GLIS3: variants seen among roughly 807,000 people sequenced by gnomAD.
The protein encoded by GLIS3 is GLIS family zinc finger 3.
GLIS3 carries 53 observed loss-of-function variants against 78.6 expected under a neutral mutation model. That is an observed-to-expected ratio of 0.67 (90% CI 0.54 to 0.85). The LOEUF is 0.85. GLIS3 is among the 40% of genes least tolerant of loss of function. The pLI is 0.00. For synonymous variants in GLIS3, 684 were observed against 509.9 expected (o/e 1.34, Z -4.60); for missense variants, 1,703 against 1,231.1 (o/e 1.38, Z -5.74).
intron 4 of GLIS3, among the ~76,000 whole-genome samples, chr9:3,956,013 C>A (rs656248): frequency 0.61 from 85,130 of 138,588 alleles, 27,521 homozygotes; most frequent in African/African-American, 0.83. Flanking sequence ...CACAATTGAC[C>A]TTCTCCAGAT....
At chr9:4,031,328 T>C (rs1823814324) in intron 4 of GLIS3, among the ~76,000 whole-genome samples, 1 of 152,198 alleles carries the variant, frequency 6.6e-6, no homozygotes, top group Non-Finnish European at 1.5e-5. Context: ...GAGGCACTGA[T>C]ACATACTGCA....
intron 1 of GLIS3, among the ~76,000 whole-genome samples, chr9:4,292,793 A>G (rs899242736): frequency 2.6e-5 from 4 of 152,230 alleles, no homozygotes; most frequent in East Asian, 1.9e-4. Flanking sequence ...TTACACTGCT[A>G]AAGTGGGTAA....
chr9:4,362,407 A>T, the GLIS3 span, among the ~76,000 whole-genome samples: 1 of 152,232 alleles, frequency 6.6e-6, no homozygotes, highest in Admixed American at 6.5e-5. Flanking sequence ...AAACAGGAAG[A>T]CAATTTTCAT....
At chr9:4,182,308 A>G (rs942330360) in intron 2 of GLIS3, among the ~76,000 whole-genome samples, 5 of 152,196 alleles carry the variant, frequency 3.3e-5, no homozygotes, top group Non-Finnish European at 7.3e-5. Flanking sequence ...CAGTTCTGCC[A>G]CAGTCCTCAT....
intron 4 of GLIS3, among the ~76,000 whole-genome samples, chr9:3,942,197 CAG>C (rs1415356577): frequency 2.6e-5 from 4 of 152,164 alleles, no homozygotes; most frequent in Non-Finnish European, 5.9e-5. Context: ...TAAACCCAAA[CAG>C]AAAGGAGTCT....
At chr9:4,300,246 A>ACACACACT (rs1491535352), upstream of GLIS3, among the ~76,000 whole-genome samples, 87 of 131,544 alleles carry the variant, frequency 6.6e-4, no homozygotes, top group African/African-American at 2.2e-3. Flanking sequence ...ACACACACAC[A>ACACACACT]CTCCCCGTGC....
chr9:4,454,014 A>C, the GLIS3 span, among the ~76,000 whole-genome samples: 2 of 151,962 alleles, frequency 1.3e-5, no homozygotes, highest in Admixed American at 1.3e-4. Flanking sequence ...AAAGAAAATA[A>C]ATTTTAAAAA....
the GLIS3 span, among the ~76,000 whole-genome samples, chr9:4,415,673 A>G: frequency 6.6e-6 from 1 of 152,234 alleles, no homozygotes; most frequent in Non-Finnish European, 1.5e-5. Flanking sequence ...ACAACAATAG[A>G]TTGACCTTTT....
chr9:4,062,313 T>C (rs962965159), intron 4 of GLIS3, among the ~76,000 whole-genome samples: 2 of 152,134 alleles, frequency 1.3e-5, no homozygotes, highest in African/African-American at 2.4e-5. Context: ...GTTTCCCATA[T>C]TGAAAATACT....
At chr9:4,403,182 A>G in the GLIS3 span, among the ~76,000 whole-genome samples, 14 of 152,196 alleles carry the variant, frequency 9.2e-5, no homozygotes, top group African/African-American at 3.1e-4. Flanking sequence ...TAAAATGCTG[A>G]CGGAACATAA....
chr9:3,852,806 T>C (rs775103664), intron 9 of GLIS3, among the ~76,000 whole-genome samples: 5 of 152,230 alleles, frequency 3.3e-5, no homozygotes, highest in Admixed American at 1.3e-4. Context: ...CCCATCTTCC[T>C]GGAGAAAGTC....
At chr9:4,365,036 C>T in the GLIS3 span, among the ~76,000 whole-genome samples, 1 of 152,056 alleles carries the variant, frequency 6.6e-6, no homozygotes, top group East Asian at 1.9e-4. Flanking sequence ...TGAAAAAAGT[C>T]CATGCTCTTT....
At chr9:4,351,247 GAAAC>G (rs768909052), upstream of GLIS3, among the ~76,000 whole-genome samples, 5 of 151,888 alleles carry the variant, frequency 3.3e-5, no homozygotes, top group Non-Finnish European at 2.9e-5. Flanking sequence ...TGTCTCAAAA[GAAAC>G]AAACAAACAA....
chr9:4,218,066 T>TTATTCACA (rs1252230989), intron 2 of GLIS3, among the ~76,000 whole-genome samples: 1 of 152,226 alleles, frequency 6.6e-6, no homozygotes, highest in East Asian at 1.9e-4. Context: ...GTGGATCTCC[T>TTATTCACA]TATTCACAAA....
At chr9:4,170,891 G>A (rs1016154518) in intron 2 of GLIS3, among the ~76,000 whole-genome samples, 1 of 152,034 alleles carries the variant, frequency 6.6e-6, no homozygotes, top group African/African-American at 2.4e-5. Flanking sequence ...CCTAGAGACA[G>A]GCAGGAAACA....
At chr9:4,484,013 G>C in the GLIS3 span, among the ~76,000 whole-genome samples, 1 of 152,140 alleles carries the variant, frequency 6.6e-6, no homozygotes, top group Non-Finnish European at 1.5e-5. Flanking sequence ...TGGTATATAA[G>C]TGCTTTGTGT....
At chr9:4,490,261 G>A in the GLIS3 span, among the ~76,000 whole-genome samples, 3 of 152,248 alleles carry the variant, frequency 2.0e-5, no homozygotes, top group Admixed American at 6.5e-5. Context: ...AAGGCTGTGG[G>A]GCGGGACTCA....
rs547771653 is a variant in GLIS3, at chr9:4,281,124, T to G, written c.388+4914A>C. 3.9e-5 allele frequency among the ~76,000 whole-genome samples: 6 copies of G among 152,324 alleles called. No individual in the cohort carries two copies. The East Asian group carries it at 1.2e-3, about 29-fold the overall frequency. On this transcript the variant is annotated intron_variant, in intron 2 of 10. Transcript: ENST00000381971. ...CAAATAAATTAAAAGAAAAATAGTA[T>G]TTTTATTTCATTCTTAAACAACCAC...
intron 4 of GLIS3, among the ~76,000 whole-genome samples, chr9:4,029,758 C>G (rs1823665986): frequency 1.3e-5 from 2 of 152,136 alleles, no homozygotes; most frequent in Admixed American, 1.3e-4. Context: ...TCTCCAGTTC[C>G]ATCTATGTTG....
Sources: allele counts gnomAD v4.1 joint callset (sites outside exome capture counted in the v4.1 genomes callset), GRCh38; gene constraint gnomAD v4.1.1; transcripts MANE v1.5; gene names NCBI Gene and HGNC (gene_info 2026-07-23, HGNC 2026-07-21).